The following SOX6 variants were observed in gnomAD, a reference collection of about 807,000 sequenced individuals.
The protein encoded by SOX6 is transcription factor SOX-6.
SOX6 carries 11 observed loss-of-function variants against 97.8 expected under a neutral mutation model. The observed-to-expected ratio is 0.11, with a 90% CI of 0.07 to 0.19. The LOEUF is 0.19. SOX6 is among the 10% of genes least tolerant of loss of function. The pLI, the probability that SOX6 is intolerant of heterozygous loss-of-function variation, is 1.00. For missense variants in SOX6, 810 were observed against 1,039.5 expected (o/e 0.78, Z 3.04); for synonymous variants, 360 against 371.4 (o/e 0.97, Z 0.35).
At chr11:16,738,409 CT>C (rs1243797415) in intron 1 of SOX6, 1 of 289,636 alleles carries the variant, frequency 3.5e-6, no homozygotes, top group East Asian at 6.9e-5. Context: ...CGACAAAGCT[CT>C]CGGCCAACGC....
At chr11:16,137,015 C>T (rs1849984056) in intron 6 of SOX6, among the ~76,000 whole-genome samples, 1 of 152,190 alleles carries the variant, frequency 6.6e-6, no homozygotes, top group Non-Finnish European at 1.5e-5. Flanking sequence ...CTAAGAAAAA[C>T]TCACAAATAC....
chr11:16,462,917 C>A (rs114637686), intron 1 of SOX6, among the ~76,000 whole-genome samples: 121 of 152,280 alleles, frequency 7.9e-4, no homozygotes, highest in African/African-American at 1.8e-3. Flanking sequence ...AAAATCAAGA[C>A]CCTGGAATCT....
upstream of SOX6, among the ~76,000 whole-genome samples, chr11:16,361,012 A>AAAG (rs1554961475): frequency 1.0e-4 from 15 of 149,600 alleles, no homozygotes; most frequent in East Asian, 7.8e-4. Flanking sequence ...CAAAAAAAAA[A>AAAG]AAGAAGAAGA....
At chr11:16,383,946 C>A (rs573099375) in intron 1 of SOX6, among the ~76,000 whole-genome samples, 2 of 151,920 alleles carry the variant, frequency 1.3e-5, no homozygotes, top group African/African-American at 2.4e-5. Context: ...CTCAAAAAAA[C>A]CCCAGCAATT....
In SOX6 at chr11:16,251,982, A is replaced by G. The variant is rs556401853; in HGVS notation, c.446-17311T>C. Reference sequence around the variant, plus strand: ...TTATAACATTCAGTATCCATTTGTAATTTTCTTTTAAAAAAAAAGAACTCT... The same window carrying G: ...TTATAACATTCAGTATCCATTTGTAGTTTTCTTTTAAAAAAAAAGAACTCT... On this transcript the variant is annotated intron_variant, in intron 3 of 15. Coordinates refer to ENST00000683767, the MANE Select transcript of SOX6 (RefSeq NM_001367873.1). Among the ~76,000 whole-genome samples, 23 of 65,624 alleles carry G rather than the reference A, an allele frequency of 3.5e-4. No homozygotes were observed. The South Asian group carries it at 4.9e-3, about 14-fold the overall frequency. 43.1% of individuals were successfully genotyped at this position (65,624 alleles called of 152,430 possible).
At chr11:16,597,398 C>T (rs1225137660) in intron 4 of SOX6, among the ~76,000 whole-genome samples, 1 of 151,400 alleles carries the variant, frequency 6.6e-6, no homozygotes, top group African/African-American at 2.4e-5. Context: ...TCTAACAACC[C>T]ATGGAATAAA....
intron 2 of SOX6, among the ~76,000 whole-genome samples, chr11:16,725,050 T>A (rs568663785): frequency 6.6e-6 from 1 of 152,134 alleles, no homozygotes; most frequent in Non-Finnish European, 1.5e-5. Context: ...TCACACAAAA[T>A]CTCTTCTACA....
intron 9 of SOX6, among the ~76,000 whole-genome samples, chr11:16,057,451 T>G (rs1230175731): frequency 6.6e-6 from 1 of 152,276 alleles, no homozygotes; most frequent in Admixed American, 6.5e-5. Flanking sequence ...AGTAAAACTC[T>G]ACCCAACGTA....
intron 1 of SOX6, among the ~76,000 whole-genome samples, chr11:16,429,068 TA>T (rs1159496230): frequency 6.6e-6 from 1 of 152,064 alleles, no homozygotes; most frequent in Non-Finnish European, 1.5e-5. Flanking sequence ...AACAATCATA[TA>T]AAAAAAGTTC....
At chr11:16,376,997 T>C (rs899821558) in intron 1 of SOX6, among the ~76,000 whole-genome samples, 1 of 151,320 alleles carries the variant, frequency 6.6e-6, no homozygotes, top group African/African-American at 2.4e-5. Context: ...AATGAAAACC[T>C]CATAAAGCAA....
chr11:16,536,237 C>A (rs766633417), intron 4 of SOX6, among the ~76,000 whole-genome samples: 2 of 152,200 alleles, frequency 1.3e-5, no homozygotes, highest in African/African-American at 2.4e-5. Context: ...TAACTTTACA[C>A]ATTTGAATGT....
chr11:16,390,890 C>A (rs935135366), intron 1 of SOX6, among the ~76,000 whole-genome samples: 1 of 152,152 alleles, frequency 6.6e-6, no homozygotes, highest in Non-Finnish European at 1.5e-5. Context: ...GACACATGCA[C>A]ATGTATGTTT....
At chr11:16,207,141 A>T (rs1420843639) in intron 4 of SOX6, among the ~76,000 whole-genome samples, 2 of 152,156 alleles carry the variant, frequency 1.3e-5, no homozygotes, top group Non-Finnish European at 2.9e-5. Flanking sequence ...TACCCACTCT[A>T]TTCACACTGC....
chr11:16,031,055 A>G (rs1335241208), intron 12 of SOX6, among the ~76,000 whole-genome samples: 1 of 152,154 alleles, frequency 6.6e-6, no homozygotes, highest in African/African-American at 2.4e-5. Context: ...CCCACATATT[A>G]TCTAATTCGT....
At position 16,187,615 on chromosome 11, in the gene SOX6, G is replaced by C. The variant is rs558516973; in HGVS notation, c.536-660C>G. Among the ~76,000 whole-genome samples the C allele has an allele frequency of 2.0e-5, 3 of 152,130 alleles. No individual in the cohort carries two copies. In the East Asian group the frequency reaches 5.8e-4, roughly 29 times the overall value. ...TGTAAAGGCAACAGTGTTGCTTGGG[G>C]GGCTCTATCACCCCTTTGTCATTTG... On this transcript the variant is annotated intron_variant, in intron 4 of 15. Transcript: ENST00000683767.
At chr11:16,689,965 C>T (rs1313063279) in intron 3 of SOX6, among the ~76,000 whole-genome samples, 1 of 150,900 alleles carries the variant, frequency 6.6e-6, no homozygotes, top group African/African-American at 2.4e-5. Flanking sequence ...CACTCTGTCA[C>T]CCAGGCTAGA....
At chr11:16,340,391 T>A (rs1049885327) in intron 2 of SOX6, among the ~76,000 whole-genome samples, 1 of 152,118 alleles carries the variant, frequency 6.6e-6, no homozygotes, top group East Asian at 1.9e-4. Flanking sequence ...TGGTTAGAGA[T>A]GGAATTTAAC....
chr11:16,662,972 T>C (rs1004179057), intron 3 of SOX6, among the ~76,000 whole-genome samples: 8 of 151,486 alleles, frequency 5.3e-5, no homozygotes, highest in African/African-American at 1.2e-4. Flanking sequence ...ATTATACGTG[T>C]AAGCCACCAT....
At chr11:16,269,796 C>T (rs972443790) in intron 3 of SOX6, 35 of 151,216 alleles carry the variant, frequency 2.3e-4, no homozygotes, top group African/African-American at 6.8e-4. Flanking sequence ...AATTTTACCA[C>T]GGAAGAATTT....
Sources: allele counts gnomAD v4.1 joint callset (sites outside exome capture counted in the v4.1 genomes callset), GRCh38; gene constraint gnomAD v4.1.1; transcripts MANE v1.5; gene names NCBI Gene and HGNC (gene_info 2026-07-23, HGNC 2026-07-21).